Variants in NRG3 observed in about 807,000 individuals in gnomAD.
The protein encoded by NRG3 is pro-neuregulin-3, membrane-bound isoform.
A neutral mutation model predicts 66.9 loss-of-function variants in NRG3; 31 were observed. That is an observed-to-expected ratio of 0.46 (90% CI 0.35 to 0.63). The LOEUF (loss-of-function observed/expected upper bound fraction) is 0.63, where lower values mean the gene tolerates loss of function less well. Among genes scored for constraint, NRG3 ranks in the 20% least tolerant of loss-of-function variants. The pLI, the probability that NRG3 is intolerant of heterozygous loss-of-function variation, is 0.00. For missense variants in NRG3, 910 were observed against 878.9 expected, an observed-to-expected ratio of 1.04 and a Z score of -0.45; for synonymous variants, 393 against 359.4, an observed-to-expected ratio of 1.09 and a Z score of -1.06.
intron 2 of NRG3, among the ~76,000 whole-genome samples, chr10:82,726,413 G>A (rs1434729087): frequency 6.6e-6 from 1 of 152,100 alleles, no homozygotes; most frequent in African/African-American, 2.4e-5. Context: ...ATTGAATCAT[G>A]GGGGCGAGTC....
chr10:82,864,678 G>A lies in NRG3; in HGVS notation c.1028-733G>A, dbSNP rs146653260. Among the ~76,000 whole-genome samples the A allele has an allele frequency of 5.8e-3, 882 of 152,322 alleles. 3 individuals carry two copies. The highest frequency in any genetic ancestry group is 9.2e-3 in the Non-Finnish European group (625 of 68,026). ...GTACAGTTCATTGCTCTGCTGATCAGGCAGATGTTAGCTGGTCAGGATGGT... is the reference window on the plus strand; with the variant it reads ...GTACAGTTCATTGCTCTGCTGATCAAGCAGATGTTAGCTGGTCAGGATGGT... On this transcript the variant is annotated intron_variant, in intron 3 of 8. Coordinates refer to ENST00000372141, the MANE Select transcript of NRG3 (RefSeq NM_001010848.4).
intron 1 of NRG3, among the ~76,000 whole-genome samples, chr10:82,092,300 C>T (rs566467496): frequency 1.3e-5 from 2 of 152,198 alleles, no homozygotes; most frequent in South Asian, 2.1e-4. Context: ...AACTGCTATG[C>T]CATGTTGTCT....
chr10:82,106,043 A>G (rs987546665), intron 1 of NRG3, among the ~76,000 whole-genome samples: 1 of 152,196 alleles, frequency 6.6e-6, no homozygotes, highest in Non-Finnish European at 1.5e-5. Flanking sequence ...TTTAGTGAGC[A>G]CATCTATTTC....
chr10:82,038,582 TC>T (rs2062897303), intron 1 of NRG3, among the ~76,000 whole-genome samples: 1 of 152,134 alleles, frequency 6.6e-6, no homozygotes, highest in Non-Finnish European at 1.5e-5. Flanking sequence ...CATTCAAGAC[TC>T]CATTTGCCAA....
intron 2 of NRG3, among the ~76,000 whole-genome samples, chr10:82,451,165 G>A (rs188142499): frequency 6.6e-6 from 1 of 152,254 alleles, no homozygotes; most frequent in Non-Finnish European, 1.5e-5. Context: ...TCTAGAGGAA[G>A]ATGAAATTAT....
intron 1 of NRG3, among the ~76,000 whole-genome samples, chr10:81,976,580 G>A (rs1184999521): frequency 6.6e-6 from 1 of 152,156 alleles, no homozygotes; most frequent in Non-Finnish European, 1.5e-5. Flanking sequence ...ACACATTTTT[G>A]TTGGGTTTTT....
At chr10:82,100,501 A>C (rs2066663397) in intron 1 of NRG3, among the ~76,000 whole-genome samples, 1 of 152,164 alleles carries the variant, frequency 6.6e-6, no homozygotes, top group South Asian at 2.1e-4. Flanking sequence ...CTTTAAATAT[A>C]ACAGTAGTCT....
intron 2 of NRG3, among the ~76,000 whole-genome samples, chr10:82,613,240 A>T (rs2048418861): frequency 1.3e-5 from 2 of 152,152 alleles, no homozygotes; most frequent in Admixed American, 1.3e-4. Context: ...ATGCAATGGC[A>T]ATACATATAT....
chr10:82,582,723 A>G (rs1001420137), intron 2 of NRG3, among the ~76,000 whole-genome samples: 1 of 151,990 alleles, frequency 6.6e-6, no homozygotes, highest in African/African-American at 2.4e-5. Context: ...ACACATGAAC[A>G]CACATAAATG....
chr10:82,288,590 A>G (rs7070560), intron 1 of NRG3, among the ~76,000 whole-genome samples: 22,087 of 152,076 alleles, frequency 0.15, 3,632 homozygotes, highest in African/African-American at 0.4. Context: ...CCAGGCAAGT[A>G]GGCAAGGTAT....
chr10:82,077,464 T>A (rs1006626081), intron 1 of NRG3, among the ~76,000 whole-genome samples: 3 of 152,210 alleles, frequency 2.0e-5, no homozygotes, highest in Admixed American at 1.3e-4. Flanking sequence ...TTCTAGATAT[T>A]TTAGGTAACC....
chr10:82,401,885 T>C (rs2087129237), intron 2 of NRG3, among the ~76,000 whole-genome samples: 1 of 152,086 alleles, frequency 6.6e-6, no homozygotes, highest in African/African-American at 2.4e-5. Context: ...AAAATAAAAA[T>C]ATGAGAGCAC....
At chr10:81,997,476 C>G (rs768069836) in intron 1 of NRG3, among the ~76,000 whole-genome samples, 32 of 152,180 alleles carry the variant, frequency 2.1e-4, no homozygotes, top group Admixed American at 5.2e-4. Context: ...AACATGTAAA[C>G]TGATGGAAGC....
chr10:82,903,353 C>G (rs1245512723), intron 4 of NRG3, among the ~76,000 whole-genome samples: 1 of 152,106 alleles, frequency 6.6e-6, no homozygotes, highest in Admixed American at 6.6e-5. Flanking sequence ...AGTGATCTCT[C>G]TCTCTTGCTG....
At chr10:82,448,202 G>C (rs571012834) in intron 2 of NRG3, among the ~76,000 whole-genome samples, 50 of 152,288 alleles carry the variant, frequency 3.3e-4, no homozygotes, top group South Asian at 1.9e-3. Context: ...AATTTTACTA[G>C]GGAAATGTAT....
chr10:82,697,317 A>G (rs950523161), intron 2 of NRG3, among the ~76,000 whole-genome samples: 1 of 152,216 alleles, frequency 6.6e-6, no homozygotes, highest in Non-Finnish European at 1.5e-5. Context: ...GCTTAAGGTA[A>G]CTGGAAGGAA....
intron 1 of NRG3, among the ~76,000 whole-genome samples, chr10:82,019,858 A>G (rs1728174022): frequency 6.6e-6 from 1 of 152,100 alleles, no homozygotes; most frequent in East Asian, 1.9e-4. Flanking sequence ...CTAGCGGTCT[A>G]TCAATTTTGT....
At chr10:81,958,354 C>T (rs1307546247) in intron 1 of NRG3, among the ~76,000 whole-genome samples, 1 of 152,002 alleles carries the variant, frequency 6.6e-6, no homozygotes, top group African/African-American at 2.4e-5. Flanking sequence ...TTATGTTTTT[C>T]AAATTAAAAA....
At position 82,822,213 on chromosome 10, in the gene NRG3, C is replaced by T. The variant is rs189719896; in HGVS notation, c.1028-43198C>T. ...AGAAGTTTCCAGCAGGAACACCTGC[C>T]CAAAGAATAATGTGGGACCGTGCTT... is the stretch of plus-strand genomic sequence containing the variant. On this transcript the variant is annotated intron_variant, in intron 3 of 8. Coordinates refer to ENST00000372141, the MANE Select transcript of NRG3 (RefSeq NM_001010848.4). Among the ~76,000 whole-genome samples, 4 of 152,172 alleles carry T rather than the reference C, an allele frequency of 2.6e-5. No individual in the cohort carries two copies. The East Asian group carries it at 7.7e-4, about 29-fold the overall frequency.
Sources: gnomAD v4.1 joint callset for allele counts (sites outside exome capture counted in the v4.1 genomes callset) on GRCh38, gnomAD v4.1.1 for gene constraint, MANE v1.5 for transcripts, NCBI Gene and HGNC (gene_info 2026-07-23, HGNC 2026-07-21) for gene names.